Variants in KCNMA1 observed in about 807,000 individuals in gnomAD.
KCNMA1 encodes the protein Calcium-activated potassium channel subunit alpha-1.
In KCNMA1, 29 loss-of-function variants were observed where a neutral mutation model predicts 140.0. The ratio of observed to expected loss-of-function variants is 0.21; its 90% CI spans 0.15 to 0.28. The LOEUF is 0.28. Ranked by LOEUF, KCNMA1 falls within the 10% of genes least tolerant of loss-of-function variation. The pLI, the probability that KCNMA1 is intolerant of heterozygous loss-of-function variation, is 1.00. For missense variants in KCNMA1, 880 were observed against 1,602.2 expected, an observed-to-expected ratio of 0.55 and a Z score of 7.70; for synonymous variants, 612 against 611.9, an observed-to-expected ratio of 1.00 and a Z score of 0.00.
At chr10:77,060,270 A>T (rs2153665462) in intron 14 of KCNMA1, among the ~76,000 whole-genome samples, 1 of 152,350 alleles carries the variant, frequency 6.6e-6, no homozygotes, top group East Asian at 1.9e-4. Context: ...TTTGAAAAAG[A>T]ATACATTTGG....
intron 23 of KCNMA1, among the ~76,000 whole-genome samples, chr10:76,940,074 G>A (rs1224256307): frequency 6.6e-6 from 1 of 152,270 alleles, no homozygotes; most frequent in Admixed American, 6.5e-5. Context: ...CCAGCAAGAA[G>A]CAGCTTCATC....
At chr10:77,016,690 G>A (rs563627074) in intron 17 of KCNMA1, among the ~76,000 whole-genome samples, 6 of 152,072 alleles carry the variant, frequency 3.9e-5, no homozygotes, top group Non-Finnish European at 5.9e-5. Flanking sequence ...ATGTTCCAAC[G>A]TTATTTTAAA....
chr10:77,273,444 G>T lies in KCNMA1; in HGVS notation c.541-22188C>A, dbSNP rs542807157. 2.0e-5 allele frequency among the ~76,000 whole-genome samples: 3 copies of T among 152,240 alleles called. No individual in the cohort carries two copies. In the East Asian group the frequency reaches 5.8e-4, roughly 29 times the overall value. On this transcript the variant is annotated intron_variant, in intron 2 of 27. Transcript: ENST00000286628. ...CTTATTATGATAAGCTATTATACTTGCAAGATGAATTGAATTCACATTCAG... is the reference window on the plus strand; with the variant it reads ...CTTATTATGATAAGCTATTATACTTTCAAGATGAATTGAATTCACATTCAG...
At chr10:77,054,658 A>T (rs992213024) in intron 14 of KCNMA1, among the ~76,000 whole-genome samples, 1 of 152,228 alleles carries the variant, frequency 6.6e-6, no homozygotes, top group Non-Finnish European at 1.5e-5. Context: ...CCGAACATGA[A>T]ACCCTAATCA....
intron 2 of KCNMA1, among the ~76,000 whole-genome samples, chr10:77,392,282 A>G (rs1377645608): frequency 1.6e-5 from 2 of 124,514 alleles, no homozygotes; most frequent in African/African-American, 6.1e-5. Context: ...AAGGGAGGGA[A>G]GGGAAGGAAG....
chr10:76,953,265 A>T (rs2066959635), intron 21 of KCNMA1, among the ~76,000 whole-genome samples: 1 of 152,256 alleles, frequency 6.6e-6, no homozygotes, highest in African/African-American at 2.4e-5. Flanking sequence ...AAGAATACAA[A>T]ACATTGCTAT....
chr10:76,908,026 G>GA (rs913159142), intron 25 of KCNMA1, among the ~76,000 whole-genome samples: 11 of 151,146 alleles, frequency 7.3e-5, no homozygotes, highest in Middle Eastern at 3.2e-3. Context: ...TTGTAGTTCT[G>GA]AAAAAAAAAT....
intron 25 of KCNMA1, chr10:76,902,091 G>A (rs536612413): frequency 1.3e-5 from 2 of 152,260 alleles, no homozygotes; most frequent in Admixed American, 6.5e-5. Flanking sequence ...GGCACTTCAC[G>A]GAGCATTCAG....
intron 3 of KCNMA1, among the ~76,000 whole-genome samples, chr10:77,196,428 CTG>C (rs1462607384): frequency 6.6e-6 from 1 of 152,178 alleles, no homozygotes; most frequent in Non-Finnish European, 1.5e-5. Context: ...GCAGGATCGC[CTG>C]CCTGCACAGG....
intron 1 of KCNMA1, among the ~76,000 whole-genome samples, chr10:77,540,814 A>G (rs2059999430): frequency 6.6e-6 from 1 of 152,164 alleles, no homozygotes; most frequent in Non-Finnish European, 1.5e-5. Flanking sequence ...CAGCCTGGTC[A>G]ACAGGGCGAA....
intron 2 of KCNMA1, among the ~76,000 whole-genome samples, chr10:77,306,311 G>C (rs1388685293): frequency 6.6e-6 from 1 of 152,222 alleles, no homozygotes; most frequent in Non-Finnish European, 1.5e-5. Flanking sequence ...AATGCAAAGG[G>C]AAAGTACAGC....
intron 1 of KCNMA1, among the ~76,000 whole-genome samples, chr10:77,479,653 C>T (rs759094232): frequency 6.6e-6 from 1 of 152,182 alleles, no homozygotes; most frequent in Non-Finnish European, 1.5e-5. Context: ...CCAGGACTCA[C>T]ACAGGTAAAC....
intron 1 of KCNMA1, among the ~76,000 whole-genome samples, chr10:77,599,616 T>A (rs1057051813): frequency 2.6e-5 from 4 of 152,188 alleles, no homozygotes; most frequent in African/African-American, 9.7e-5. Flanking sequence ...GTCTTCAGAT[T>A]AAGTAAGTTC....
intron 2 of KCNMA1, among the ~76,000 whole-genome samples, chr10:77,315,115 G>C (rs947640173): frequency 1.3e-5 from 2 of 152,162 alleles, no homozygotes; most frequent in South Asian, 4.1e-4. Flanking sequence ...CACTGAACTA[G>C]ATAGTACCTA....
intron 19 of KCNMA1, among the ~76,000 whole-genome samples, chr10:76,983,559 G>C (rs539879141): frequency 6.6e-6 from 1 of 151,848 alleles, no homozygotes; most frequent in African/African-American, 2.4e-5. Flanking sequence ...GCAAAACCCC[G>C]TCTCTAAAAA....
chr10:77,017,195 G>A (rs2092222645), intron 17 of KCNMA1, among the ~76,000 whole-genome samples: 1 of 152,160 alleles, frequency 6.6e-6, no homozygotes, highest in South Asian at 2.1e-4. Context: ...AGATGCAATA[G>A]GAAATAGAAT....
At chr10:76,902,036 G>C (rs1207595025) in intron 25 of KCNMA1, 1 of 152,238 alleles carries the variant, frequency 6.6e-6, no homozygotes, top group Non-Finnish European at 1.5e-5. Flanking sequence ...AGTCATATTG[G>C]AGGATGCAAA....
intron 23 of KCNMA1, among the ~76,000 whole-genome samples, chr10:76,916,519 A>G (rs2052992157): frequency 6.6e-6 from 1 of 152,224 alleles, no homozygotes; most frequent in African/African-American, 2.4e-5. Context: ...CGCAAGTGGC[A>G]AGACCCAGTG....
At chr10:77,286,102 C>T (rs1467882307) in intron 2 of KCNMA1, among the ~76,000 whole-genome samples, 1 of 152,174 alleles carries the variant, frequency 6.6e-6, no homozygotes, top group Non-Finnish European at 1.5e-5. Flanking sequence ...ACTCTACCTA[C>T]ACAATTAATT....
Sources: gnomAD v4.1 joint callset for allele counts (sites outside exome capture counted in the v4.1 genomes callset) on GRCh38, gnomAD v4.1.1 for gene constraint, MANE v1.5 for transcripts, NCBI Gene and HGNC (gene_info 2026-07-23, HGNC 2026-07-21) for gene names.